The following SUGCT variants were observed in gnomAD, a reference collection of about 807,000 sequenced individuals.
The protein encoded by SUGCT is succinyl-CoA:glutarate CoA-transferase.
Under a neutral mutation model 55.0 loss-of-function variants are expected in SUGCT, and 41 were observed. The ratio of observed to expected loss-of-function variants is 0.74; its 90% CI spans 0.58 to 0.97. The LOEUF (loss-of-function observed/expected upper bound fraction) is 0.97, where lower values mean the gene tolerates loss of function less well. Ranked by LOEUF, SUGCT falls within the 50% of genes least tolerant of loss-of-function variation. SUGCT has a pLI of 0.00. For missense variants in SUGCT, 568 were observed against 547.8 expected, an observed-to-expected ratio of 1.04 and a Z score of -0.37; for synonymous variants, 187 against 200.4, an observed-to-expected ratio of 0.93 and a Z score of 0.56.
At chr7:40,337,428 T>G (rs1584716489) in intron 9 of SUGCT, among the ~76,000 whole-genome samples, 3 of 152,174 alleles carry the variant, frequency 2.0e-5, no homozygotes, top group Admixed American at 6.5e-5. Context: ...GAATCTGGGT[T>G]CTCCTGTATT....
intron 13 of SUGCT, among the ~76,000 whole-genome samples, chr7:40,772,520 ATC>A (rs1333214095): frequency 6.7e-6 from 1 of 149,594 alleles, no homozygotes; most frequent in East Asian, 2.0e-4. Context: ...CTATCTATCT[ATC>A]TATCTATCTA....
chr7:40,330,241 G>A (rs186843562), intron 9 of SUGCT, among the ~76,000 whole-genome samples: 6 of 152,364 alleles, frequency 3.9e-5, no homozygotes, highest in Non-Finnish European at 8.8e-5. Flanking sequence ...CTCAAGGGAA[G>A]TTTTATAAAG....
chr7:40,913,203 G>T, the SUGCT span, among the ~76,000 whole-genome samples: 15 of 151,864 alleles, frequency 9.9e-5, no homozygotes, highest in Non-Finnish European at 1.8e-4. Flanking sequence ...GTAGAGACGG[G>T]GTTTCACCAT....
chr7:40,271,584 C>T (rs1014643514), intron 7 of SUGCT, among the ~76,000 whole-genome samples: 1 of 151,958 alleles, frequency 6.6e-6, no homozygotes, highest in Non-Finnish European at 1.5e-5. Context: ...TACATGTTTT[C>T]AGGGTTCATG....
At chr7:41,010,266 C>G in the SUGCT span, among the ~76,000 whole-genome samples, 1 of 152,182 alleles carries the variant, frequency 6.6e-6, no homozygotes, top group African/African-American at 2.4e-5. Context: ...ACGTAGGAAC[C>G]ACTGCTACTG....
intron 11 of SUGCT, among the ~76,000 whole-genome samples, chr7:40,461,680 T>G (rs1789813175): frequency 6.6e-6 from 1 of 152,202 alleles, no homozygotes; most frequent in Admixed American, 6.5e-5. Context: ...ATTCTCGTCT[T>G]GCTCAGCACA....
chr7:40,155,539 G>A (rs1479184116), intron 1 of SUGCT, among the ~76,000 whole-genome samples: 8 of 152,162 alleles, frequency 5.3e-5, no homozygotes, highest in Non-Finnish European at 8.8e-5. Context: ...TAGAAGACAA[G>A]ATCCTGGATA....
chr7:40,751,894 C>T (rs962316866), intron 13 of SUGCT, among the ~76,000 whole-genome samples: 2 of 152,134 alleles, frequency 1.3e-5, no homozygotes, highest in African/African-American at 2.4e-5. Flanking sequence ...TTCAGTCAGG[C>T]GTAATTTGCT....
chr7:40,997,554 A>C, the SUGCT span, among the ~76,000 whole-genome samples: 2 of 151,742 alleles, frequency 1.3e-5, no homozygotes, highest in Non-Finnish European at 2.9e-5. Flanking sequence ...TCCTTTGGCC[A>C]CTCCCCAGGC....
At chr7:40,390,520 G>A (rs1216386683) in intron 9 of SUGCT, among the ~76,000 whole-genome samples, 2 of 152,160 alleles carry the variant, frequency 1.3e-5, no homozygotes, top group Non-Finnish European at 2.9e-5. Context: ...AATCGTGAGT[G>A]AACTCCCATT....
At chr7:40,994,400 A>C in the SUGCT span, among the ~76,000 whole-genome samples, 2 of 131,074 alleles carry the variant, frequency 1.5e-5, no homozygotes, top group South Asian at 2.2e-4. Flanking sequence ...TCAAAGAGTC[A>C]CCCCCCCATT....
At chr7:40,977,724 T>A in the SUGCT span, among the ~76,000 whole-genome samples, 1 of 152,202 alleles carries the variant, frequency 6.6e-6, no homozygotes, top group South Asian at 2.1e-4. Flanking sequence ...GTTATTTTCC[T>A]TTGTCTTGTT....
intron 13 of SUGCT, among the ~76,000 whole-genome samples, chr7:40,751,531 T>A (rs1788012481): frequency 6.6e-6 from 1 of 152,236 alleles, no homozygotes; most frequent in Non-Finnish European, 1.5e-5. Flanking sequence ...TCTGGTCTAG[T>A]AGTTTTTGAT....
chr7:40,829,928 G>C (rs193034123), intron 13 of SUGCT, among the ~76,000 whole-genome samples: 42 of 152,278 alleles, frequency 2.8e-4, no homozygotes, highest in Non-Finnish European at 4.9e-4. Context: ...ATAGAATGCT[G>C]ACTTTCCTTC....
the SUGCT span, among the ~76,000 whole-genome samples, chr7:40,914,283 T>TCTTTTTC: frequency 1.6e-5 from 1 of 61,114 alleles, no homozygotes; most frequent in Non-Finnish European, 3.2e-5. Context: ...TTTTTCTTTT[T>TCTTTTTC]TTTTTTTATT....
chr7:40,810,771 G>C (rs1486148270), intron 13 of SUGCT, among the ~76,000 whole-genome samples: 1 of 151,896 alleles, frequency 6.6e-6, no homozygotes, highest in African/African-American at 2.4e-5. Context: ...TTTTAATTAG[G>C]TCCCACTTTT....
intron 12 of SUGCT, among the ~76,000 whole-genome samples, chr7:40,591,940 T>G (rs1161361955): frequency 1.3e-5 from 2 of 152,244 alleles, no homozygotes; most frequent in Non-Finnish European, 2.9e-5. Context: ...TATTTTGATA[T>G]TCACTTTATT....
the SUGCT span, among the ~76,000 whole-genome samples, chr7:40,890,355 T>G: frequency 7.0e-6 from 1 of 143,744 alleles, no homozygotes; most frequent in Non-Finnish European, 1.5e-5. Flanking sequence ...ATTAATATAT[T>G]TATAATAATA....
intron 6 of SUGCT, among the ~76,000 whole-genome samples, chr7:40,201,809 C>T (rs755782346): frequency 2.7e-4 from 41 of 152,114 alleles, no homozygotes; most frequent in Non-Finnish European, 2.8e-4. Flanking sequence ...TCTTTTTACC[C>T]ATACACATAT....
Sources: allele counts gnomAD v4.1 joint callset (sites outside exome capture counted in the v4.1 genomes callset), GRCh38; gene constraint gnomAD v4.1.1; transcripts MANE v1.5; gene names NCBI Gene and HGNC (gene_info 2026-07-23, HGNC 2026-07-21).